The following PDE4D variants were observed in gnomAD, a reference collection of about 807,000 sequenced individuals.
PDE4D encodes phosphodiesterase 4D, also known as 3',5'-cyclic-AMP phosphodiesterase 4D.
Under a neutral mutation model 87.4 loss-of-function variants are expected in PDE4D, and 24 were observed. That is an observed-to-expected ratio of 0.27 (90% CI 0.20 to 0.39). PDE4D has a LOEUF of 0.39. Ranked by LOEUF, PDE4D falls within the 10% of genes least tolerant of loss-of-function variation. PDE4D has a pLI of 1.00. For missense variants in PDE4D, 714 were observed against 1,041.0 expected, an observed-to-expected ratio of 0.69 and a Z score of 4.32; for synonymous variants, 384 against 383.2, an observed-to-expected ratio of 1.00 and a Z score of -0.02.
intron 1 of PDE4D, among the ~76,000 whole-genome samples, chr5:59,618,060 A>C (rs942851788): frequency 6.6e-6 from 1 of 151,984 alleles, no homozygotes; most frequent in East Asian, 1.9e-4. Context: ...TTCCTTCAAC[A>C]ATCATTGAGA....
chr5:59,584,135 C>T (rs995432082), intron 1 of PDE4D, among the ~76,000 whole-genome samples: 1 of 152,196 alleles, frequency 6.6e-6, no homozygotes, highest in Non-Finnish European at 1.5e-5. Context: ...AAATCTCACC[C>T]TATAGGGGCT....
intron 1 of PDE4D, among the ~76,000 whole-genome samples, chr5:59,857,406 T>C (rs893440448): frequency 4.6e-5 from 7 of 152,194 alleles, no homozygotes; most frequent in African/African-American, 1.7e-4. Flanking sequence ...CTTTTCAAGA[T>C]GCTAGCTCCC....
chr5:59,434,711 C>A (rs1200139839), intron 1 of PDE4D, among the ~76,000 whole-genome samples: 2 of 152,028 alleles, frequency 1.3e-5, no homozygotes, highest in Admixed American at 6.6e-5. Context: ...GTGTTCCTCC[C>A]CTCCTCCACT....
intron 1 of PDE4D, among the ~76,000 whole-genome samples, chr5:59,675,442 T>C (rs1747910228): frequency 6.6e-6 from 1 of 152,140 alleles, no homozygotes; most frequent in Non-Finnish European, 1.5e-5. Flanking sequence ...GAAATGGCAA[T>C]GGACAAACAG....
intron 1 of PDE4D, among the ~76,000 whole-genome samples, chr5:59,561,690 G>A (rs1481109270): frequency 6.6e-6 from 1 of 152,044 alleles, no homozygotes; most frequent in Non-Finnish European, 1.5e-5. Flanking sequence ...AGCACTTTGG[G>A]CAGCCGAGGC....
rs374300182 is a variant in PDE4D, at chr5:60,028,048, CTCT to C, written c.43-39334_43-39332del. ...AAACAGAGGACCCTGAAATACTTCT[CTCT>C]TATTTCACTTCTCCATTTGCTAAAT... On this transcript the variant is annotated intron_variant, in intron 2 of 16. Coordinates refer to the PDE4D transcript ENST00000502484. Among the ~76,000 whole-genome samples the C allele has an allele frequency of 7.9e-5, 12 of 152,280 alleles. No individual in the cohort carries two copies. In the East Asian group the frequency reaches 2.3e-3, roughly 29 times the overall value.
At position 59,857,261 on chromosome 5, in the gene PDE4D, G is replaced by A. The variant is rs78118786; in HGVS notation, c.455+35907C>T. On this transcript the variant is annotated intron_variant, in intron 1 of 14. Transcript: ENST00000340635. Reference sequence around the variant, plus strand: ...CCAGAGCAGGGGATACCTGTAACTTGCTTGGTATGGAGAATAATATTCTAT... The same window carrying A: ...CCAGAGCAGGGGATACCTGTAACTTACTTGGTATGGAGAATAATATTCTAT... 8.1e-3 allele frequency among the ~76,000 whole-genome samples: 1,238 copies of A among 152,212 alleles called. 19 individuals carry two copies. Among genetic ancestry groups the A allele is most frequent in the African/African-American group, 0.029 (1,194 of 41,524 alleles).
chr5:59,834,232 G>A (rs1228385888), intron 1 of PDE4D, among the ~76,000 whole-genome samples: 3 of 151,958 alleles, frequency 2.0e-5, no homozygotes. Context: ...AACACCTATT[G>A]TACTTACTTT....
intron 1 of PDE4D, among the ~76,000 whole-genome samples, chr5:60,510,634 A>C (rs1750529455): frequency 6.6e-6 from 1 of 152,216 alleles, no homozygotes; most frequent in Non-Finnish European, 1.5e-5. Flanking sequence ...ATACAGCTGG[A>C]AGGGCAAGAG....
At chr5:59,756,947 A>G (rs910543058) in intron 1 of PDE4D, among the ~76,000 whole-genome samples, 1 of 151,396 alleles carries the variant, frequency 6.6e-6, no homozygotes, top group African/African-American at 2.4e-5. Flanking sequence ...ACAGGCATGC[A>G]CCACCATGCC....
At chr5:60,319,069 C>T (rs1024180936) in intron 1 of PDE4D, among the ~76,000 whole-genome samples, 3 of 152,196 alleles carry the variant, frequency 2.0e-5, no homozygotes, top group Non-Finnish European at 4.4e-5. Context: ...GGATAATACC[C>T]TGCAGAGTGT....
At chr5:60,046,128 A>T (rs1402388723) in intron 2 of PDE4D, among the ~76,000 whole-genome samples, 1 of 152,200 alleles carries the variant, frequency 6.6e-6, no homozygotes, top group African/African-American at 2.4e-5. Flanking sequence ...CTTTGAAGCA[A>T]TTGTGAATGG....
intron 6 of PDE4D, chr5:58,999,628 C>T: frequency 1.7e-6 from 2 of 1,191,336 alleles, no homozygotes; most frequent in South Asian, 6.4e-5. Flanking sequence ...CTTTAACAAC[C>T]TCCACAAGCC....
At chr5:60,432,452 G>C (rs1378443312) in intron 1 of PDE4D, among the ~76,000 whole-genome samples, 1 of 152,130 alleles carries the variant, frequency 6.6e-6, no homozygotes, top group South Asian at 2.1e-4. Context: ...GGTCTGATCA[G>C]GGTTTAAATT....
intron 2 of PDE4D, among the ~76,000 whole-genome samples, chr5:60,009,812 T>A (rs752299209): frequency 6.6e-6 from 1 of 152,132 alleles, no homozygotes; most frequent in Admixed American, 6.5e-5. Flanking sequence ...TAAGCTGATT[T>A]GTCTGCAGCT....
intron 1 of PDE4D, among the ~76,000 whole-genome samples, chr5:60,195,295 T>G (rs1583035149): frequency 6.6e-6 from 1 of 151,708 alleles, no homozygotes; most frequent in Non-Finnish European, 1.5e-5. Context: ...CAAAATGATC[T>G]GTTTAATTGT....
intron 1 of PDE4D, among the ~76,000 whole-genome samples, chr5:59,623,993 T>TTTGAGCTGTGTTCTA (rs138915815): frequency 0.013 from 1,962 of 152,304 alleles, 33 homozygotes; most frequent in East Asian, 0.042. Context: ...ATAAATATTA[T>TTTGAGCTGTGTTCTA]TTGGCCTTAC....
chr5:60,298,259 C>T (rs947015763), intron 1 of PDE4D, among the ~76,000 whole-genome samples: 17 of 152,054 alleles, frequency 1.1e-4, no homozygotes, highest in Non-Finnish European at 1.8e-4. Flanking sequence ...TTATGACTAA[C>T]TGCATACCAT....
chr5:59,926,840 A>G (rs763997781), intron 3 of PDE4D, among the ~76,000 whole-genome samples: 2 of 152,166 alleles, frequency 1.3e-5, no homozygotes, highest in Non-Finnish European at 1.5e-5. Flanking sequence ...CCAAAATCCA[A>G]ATAGACCAAT....
Sources: gnomAD v4.1 joint callset for allele counts (sites outside exome capture counted in the v4.1 genomes callset) on GRCh38, gnomAD v4.1.1 for gene constraint, MANE v1.5 for transcripts, NCBI Gene and HGNC (gene_info 2026-07-23, HGNC 2026-07-21) for gene names.